The following PPFIA2 variants were observed in gnomAD, a reference collection of about 807,000 sequenced individuals.
PPFIA2 encodes the protein liprin-alpha-2.
PPFIA2 carries 46 observed loss-of-function variants against 175.5 expected under a neutral mutation model. The observed-to-expected ratio is 0.26, with a 90% CI of 0.21 to 0.34. PPFIA2 has a LOEUF of 0.34. Ranked by LOEUF, PPFIA2 falls within the 10% of genes least tolerant of loss-of-function variation. PPFIA2 has a pLI of 1.00. For synonymous variants in PPFIA2, 568 were observed against 511.4 expected, an observed-to-expected ratio of 1.11 and a Z score of -1.49; for missense variants, 1,179 against 1,506.1, an observed-to-expected ratio of 0.78 and a Z score of 3.60.
chr12:81,706,858 A>G (rs558365321), intron 3 of PPFIA2, among the ~76,000 whole-genome samples: 1 of 152,332 alleles, frequency 6.6e-6, no homozygotes, highest in Admixed American at 6.5e-5. Flanking sequence ...GCCCTCAGAA[A>G]TAACACCGCA....
chr12:81,643,747 C>T lies in PPFIA2; in HGVS notation c.303+33044G>A, dbSNP rs546567048. 3.3e-5 allele frequency among the ~76,000 whole-genome samples: 5 copies of T among 152,038 alleles called. No homozygotes were observed. In the East Asian group the frequency reaches 9.7e-4, roughly 29 times the overall value. On this transcript the variant is annotated intron_variant, in intron 4 of 32. Transcript: ENST00000549396. Reference sequence around the variant, plus strand: ...CCATGTTTAAAACAATATATAATTTCATTATAAAATATTTTATTATTCTGC... The same window carrying T: ...CCATGTTTAAAACAATATATAATTTTATTATAAAATATTTTATTATTCTGC...
At chr12:81,593,632 T>G (rs557832178) in intron 4 of PPFIA2, among the ~76,000 whole-genome samples, 11 of 152,284 alleles carry the variant, frequency 7.2e-5, no homozygotes, top group African/African-American at 2.4e-4. Flanking sequence ...TAAAGAGGAT[T>G]TTTTACAAAA....
Position 81,259,514 on chromosome 12 carries a change from C to A in PPFIA2, c.*180G>T. On this transcript the variant is annotated 3_prime_UTR_variant, in exon 33 of 33. Coordinates refer to ENST00000549396, the MANE Select transcript of PPFIA2 (RefSeq NM_003625.5). ...GTAGTAAACTAATCAAATGTAATAT[C>A]TGACTCCCCCCAAAAATCACATTTT... 1.1e-6 allele frequency: 1 copy of A among 906,304 alleles called. No homozygotes were observed. The allele number at this position is 906,304 out of a possible 1,614,324, so 56.1% of individuals were successfully genotyped here. A position where few individuals can be genotyped will look rare whatever the true frequency, so the allele number is the denominator to read the frequency against.
chr12:81,563,812 A>G lies in PPFIA2; in HGVS notation c.304-105946T>C, dbSNP rs139155917. On this transcript the variant is annotated intron_variant, in intron 4 of 32. Transcript: ENST00000549396. Reference sequence around the variant, plus strand: ...ATTATCATGCAGCAGGCATCATTACAGATGCTAAGTTATAAAGCTGAGAAT... The same window carrying G: ...ATTATCATGCAGCAGGCATCATTACGGATGCTAAGTTATAAAGCTGAGAAT... 3.5e-3 allele frequency among the ~76,000 whole-genome samples: 527 copies of G among 152,352 alleles called. 16 individuals are homozygous for G. Among genetic ancestry groups the G allele is most frequent in the Admixed American group, 0.032 (496 of 15,304 alleles).
chr12:81,529,793 G>A (rs1261264567), intron 4 of PPFIA2, among the ~76,000 whole-genome samples: 1 of 151,836 alleles, frequency 6.6e-6, no homozygotes, highest in Admixed American at 6.6e-5. Flanking sequence ...CCAGTTGGAG[G>A]AGAACAACAC....
intron 22 of PPFIA2, among the ~76,000 whole-genome samples, chr12:81,301,434 T>C (rs1018710328): frequency 4.6e-5 from 7 of 152,160 alleles, no homozygotes; most frequent in African/African-American, 1.7e-4. Flanking sequence ...TTCAGAAGTG[T>C]ATTCTATGAG....
intron 4 of PPFIA2, among the ~76,000 whole-genome samples, chr12:81,489,697 C>T (rs1309590221): frequency 6.6e-6 from 1 of 151,924 alleles, no homozygotes; most frequent in Non-Finnish European, 1.5e-5. Flanking sequence ...CAAGTATAAT[C>T]TTAGCCAGAG....
intron 4 of PPFIA2, among the ~76,000 whole-genome samples, chr12:81,584,989 T>TA (rs1595284725): frequency 4.7e-5 from 1 of 21,316 alleles, no homozygotes; most frequent in African/African-American, 1.4e-4. Flanking sequence ...TAATTATATT[T>TA]ATATATAATA....
chr12:81,736,284 T>C (rs2153647189), intron 3 of PPFIA2, among the ~76,000 whole-genome samples: 1 of 152,166 alleles, frequency 6.6e-6, no homozygotes, highest in East Asian at 1.9e-4. Context: ...TAATTTACTC[T>C]TAAGTATTTC....
chr12:81,422,794 C>T lies in PPFIA2; in HGVS notation c.646-16891G>A, dbSNP rs193038400. On this transcript the variant is annotated intron_variant, in intron 7 of 32. Transcript: ENST00000549396. ...GTGGGGACACAGCCAAATCATATCA[C>T]CACTCATTAGGCTCTACCTCCCAAA... Among the ~76,000 whole-genome samples, 395 of 152,162 alleles carry T rather than the reference C, an allele frequency of 2.6e-3. 1 individual carries two copies. The highest frequency in any genetic ancestry group is 9.2e-3 in the African/African-American group (381 of 41,524).
At chr12:81,432,993 A>T (rs1261571688) in intron 7 of PPFIA2, among the ~76,000 whole-genome samples, 1 of 151,364 alleles carries the variant, frequency 6.6e-6, no homozygotes, top group African/African-American at 2.4e-5. Context: ...ACACAAAAAC[A>T]TACCTTTAAT....
At chr12:81,494,387 C>A (rs1422060862) in intron 4 of PPFIA2, among the ~76,000 whole-genome samples, 3 of 152,160 alleles carry the variant, frequency 2.0e-5, no homozygotes, top group African/African-American at 7.2e-5. Flanking sequence ...ATCAAAACCA[C>A]AATGAGATAT....
intron 7 of PPFIA2, among the ~76,000 whole-genome samples, chr12:81,409,379 C>T (rs2043500731): frequency 6.6e-6 from 1 of 152,006 alleles, no homozygotes; most frequent in African/African-American, 2.4e-5. Flanking sequence ...AGAGGTGGGA[C>T]CTTTAACAGG....
intron 22 of PPFIA2, among the ~76,000 whole-genome samples, chr12:81,307,790 T>G (rs1356477316): frequency 6.6e-6 from 1 of 152,210 alleles, no homozygotes; most frequent in Non-Finnish European, 1.5e-5. Flanking sequence ...ACAATCTGGC[T>G]GTCTCCCTGG....
At chr12:81,521,822 A>C (rs912727011) in intron 4 of PPFIA2, among the ~76,000 whole-genome samples, 21 of 150,842 alleles carry the variant, frequency 1.4e-4, no homozygotes, top group East Asian at 1.2e-3. Flanking sequence ...CATCTCACAA[A>C]AAAAAAAAAA....
chr12:81,302,580 A>G (rs1294085783), intron 22 of PPFIA2: 1 of 311,436 alleles, frequency 3.2e-6, no homozygotes, highest in Non-Finnish European at 6.6e-6. Context: ...AATCTCTAGC[A>G]TCTGTCTTAG....
chr12:81,616,473 T>C (rs2061435627), intron 4 of PPFIA2, among the ~76,000 whole-genome samples: 1 of 152,144 alleles, frequency 6.6e-6, no homozygotes, highest in African/African-American at 2.4e-5. Context: ...GAGAGAATGA[T>C]CCCAGCAAAA....
intron 4 of PPFIA2, among the ~76,000 whole-genome samples, chr12:81,596,315 A>G (rs1358444373): frequency 2.6e-5 from 4 of 152,120 alleles, no homozygotes; most frequent in Non-Finnish European, 4.4e-5. Context: ...GGCAAAAACA[A>G]ATGACAATAG....
At chr12:81,651,786 G>A (rs185165473) in intron 4 of PPFIA2, among the ~76,000 whole-genome samples, 192 of 152,162 alleles carry the variant, frequency 1.3e-3, no homozygotes, top group Middle Eastern at 6.8e-3. Flanking sequence ...AAACTCTTGG[G>A]TCATTTCTTA....
Sources: allele counts gnomAD v4.1 joint callset (sites outside exome capture counted in the v4.1 genomes callset), GRCh38; gene constraint gnomAD v4.1.1; transcripts MANE v1.5; gene names NCBI Gene and HGNC (gene_info 2026-07-23, HGNC 2026-07-21).